Variants in GRID2 observed in about 807,000 individuals in gnomAD.
GRID2 encodes the protein glutamate receptor ionotropic, delta-2.
GRID2 carries 33 observed loss-of-function variants against 114.8 expected under a neutral mutation model. The observed-to-expected ratio is 0.29, with a 90% CI of 0.22 to 0.38. The LOEUF (loss-of-function observed/expected upper bound fraction) is 0.38. Among genes scored for constraint, GRID2 ranks in the 10% least tolerant of loss-of-function variants. The probability of loss-of-function intolerance (pLI) is 1.00; values close to 1 mark genes in which losing one functional copy is unlikely to be tolerated. For missense variants in GRID2, 1,184 were observed against 1,257.7 expected (o/e 0.94, Z 0.89); for synonymous variants, 505 against 449.9 (o/e 1.12, Z -1.55).
chr4:93,608,923 CA>C (rs2149659128), intron 13 of GRID2, among the ~76,000 whole-genome samples: 1 of 129,766 alleles, frequency 7.7e-6, no homozygotes, highest in African/African-American at 2.9e-5. Flanking sequence ...TTGACAGTCC[CA>C]CCAACAGTGT....
Position 92,666,716 on chromosome 4 carries a change from C to T in GRID2, c.244+76430C>T, listed in dbSNP as rs1239132343. 2.9e-4 allele frequency among the ~76,000 whole-genome samples: 37 copies of T among 126,780 alleles called. No homozygotes were observed. In the Admixed American group the frequency reaches 3.4e-3, roughly 12 times the overall value. The allele number at this position is 126,780 out of a possible 152,430, so 83.2% of individuals were successfully genotyped here. A position where few individuals can be genotyped will look rare whatever the true frequency, so the allele number is the denominator to read the frequency against. On this transcript the variant is annotated intron_variant, in intron 2 of 15. Coordinates refer to ENST00000282020, the MANE Select transcript of GRID2 (RefSeq NM_001510.4). The stretch of plus-strand genomic sequence containing the variant: ...ATTTCTCCCTGGGCATTCCTGAAAA[C>T]TTTCTAATTTTCCCGTATTTTCAGG...
chr4:92,723,036 G>A lies in GRID2; in HGVS notation c.244+132750G>A, dbSNP rs78280602. Among the ~76,000 whole-genome samples the A allele has an allele frequency of 2.6e-5, 4 of 152,092 alleles. No individual in the cohort carries two copies. In the East Asian group the frequency reaches 7.7e-4, roughly 29 times the overall value. On this transcript the variant is annotated intron_variant, in intron 2 of 15. Transcript: ENST00000282020. ...CTTTCAGAAATAAGTCAAACAACTTGTAGCTCTGCATGTGTACTTTTTTTT... is the reference window on the plus strand; with the variant it reads ...CTTTCAGAAATAAGTCAAACAACTTATAGCTCTGCATGTGTACTTTTTTTT...
chr4:93,556,379 C>T (rs1044612813), intron 13 of GRID2, among the ~76,000 whole-genome samples: 1 of 152,130 alleles, frequency 6.6e-6, no homozygotes, highest in Non-Finnish European at 1.5e-5. Context: ...AGAGGAATTG[C>T]TAACCAGAAT....
At chr4:92,422,405 CATTTT>C (rs775995493) in intron 1 of GRID2, among the ~76,000 whole-genome samples, 1 of 152,050 alleles carries the variant, frequency 6.6e-6, no homozygotes, top group Non-Finnish European at 1.5e-5. Flanking sequence ...TTTGAATTTA[CATTTT>C]ATTTTATTTT....
intron 2 of GRID2, among the ~76,000 whole-genome samples, chr4:92,999,611 G>A (rs1231114597): frequency 2.0e-5 from 3 of 151,638 alleles, no homozygotes; most frequent in Non-Finnish European, 4.4e-5. Flanking sequence ...TCAACAGGTT[G>A]AATGCAAAAT....
intron 12 of GRID2, among the ~76,000 whole-genome samples, chr4:93,500,422 C>T (rs1054267305): frequency 5.9e-5 from 9 of 151,910 alleles, no homozygotes; most frequent in African/African-American, 1.9e-4. Context: ...TTTCTCTCTG[C>T]CCCCATTTTG....
At chr4:92,933,470 T>A (rs1486863917) in intron 2 of GRID2, among the ~76,000 whole-genome samples, 1 of 151,536 alleles carries the variant, frequency 6.6e-6, no homozygotes, top group African/African-American at 2.4e-5. Flanking sequence ...CTACACTGTG[T>A]CTATTTCCAA....
At chr4:92,984,694 G>C (rs901690008) in intron 2 of GRID2, among the ~76,000 whole-genome samples, 1 of 151,894 alleles carries the variant, frequency 6.6e-6, no homozygotes, top group African/African-American at 2.4e-5. Flanking sequence ...AATTTCACCA[G>C]ATGTCCTTTT....
At chr4:92,613,309 T>A (rs977597119) in intron 2 of GRID2, among the ~76,000 whole-genome samples, 1 of 151,424 alleles carries the variant, frequency 6.6e-6, no homozygotes, top group African/African-American at 2.4e-5. Context: ...TACATATTAC[T>A]GAATTTAGTT....
intron 1 of GRID2, among the ~76,000 whole-genome samples, chr4:92,453,630 T>C (rs1325240065): frequency 6.6e-6 from 1 of 152,200 alleles, no homozygotes; most frequent in African/African-American, 2.4e-5. Context: ...TTCCATGTAC[T>C]ATATTAGAGG....
intron 10 of GRID2, among the ~76,000 whole-genome samples, chr4:93,437,486 A>G (rs373799795): frequency 2.6e-5 from 4 of 152,218 alleles, no homozygotes; most frequent in South Asian, 2.1e-4. Context: ...TTAAACCTGC[A>G]TATTTGAAGA....
intron 3 of GRID2, among the ~76,000 whole-genome samples, chr4:93,089,030 A>G (rs1053639617): frequency 8.5e-5 from 13 of 152,076 alleles, no homozygotes; most frequent in African/African-American, 3.1e-4. Context: ...ACTCCTCATA[A>G]TAGCCCTTTG....
At chr4:92,356,699 T>C (rs1408070584) in intron 1 of GRID2, among the ~76,000 whole-genome samples, 1 of 151,802 alleles carries the variant, frequency 6.6e-6, no homozygotes, top group South Asian at 2.1e-4. Context: ...TTAAATATAT[T>C]GTCTACTGTG....
rs1162847850 is a variant in GRID2 at position 92,579,107 on chromosome 4, A to G, written c.89-11024A>G. Among the ~76,000 whole-genome samples, 7 of 152,160 alleles carry G rather than the reference A, an allele frequency of 4.6e-5. 1 individual carries two copies. In the East Asian group the frequency reaches 1.2e-3, roughly 25 times the overall value. On this transcript the variant is annotated intron_variant, in intron 1 of 15. Transcript: ENST00000282020. ...CCTTATGTTTCCCTTATGTACTTCA[A>G]CTATGGTCTTCATACACCAGGAGGG...
chr4:92,788,794 G>GT (rs1739442353), intron 2 of GRID2, among the ~76,000 whole-genome samples: 2 of 151,484 alleles, frequency 1.3e-5, no homozygotes, highest in South Asian at 2.1e-4. Flanking sequence ...AATGTAGCAG[G>GT]TTTTTTCTCT....
intron 8 of GRID2, among the ~76,000 whole-genome samples, chr4:93,341,059 G>T (rs965590019): frequency 6.6e-6 from 1 of 151,800 alleles, no homozygotes; most frequent in Non-Finnish European, 1.5e-5. Flanking sequence ...GATAAACAGC[G>T]GTTTAAAATC....
chr4:92,780,886 A>G (rs1239732695), intron 2 of GRID2, among the ~76,000 whole-genome samples: 1 of 152,118 alleles, frequency 6.6e-6, no homozygotes, highest in Non-Finnish European at 1.5e-5. Flanking sequence ...TTATTTTCCT[A>G]GGACATTGGC....
intron 2 of GRID2, among the ~76,000 whole-genome samples, chr4:92,603,796 G>A (rs1729332197): frequency 6.6e-6 from 1 of 151,012 alleles, no homozygotes; most frequent in Admixed American, 6.6e-5. Flanking sequence ...CCTGACAAAG[G>A]TCTAATGTCC....
At chr4:92,984,337 T>C (rs1277623024) in intron 2 of GRID2, among the ~76,000 whole-genome samples, 2 of 152,234 alleles carry the variant, frequency 1.3e-5, no homozygotes, top group Admixed American at 1.3e-4. Flanking sequence ...CTCACAGATT[T>C]TGAATTATTA....
Sources: allele counts gnomAD v4.1 joint callset (sites outside exome capture counted in the v4.1 genomes callset), GRCh38; gene constraint gnomAD v4.1.1; transcripts MANE v1.5; gene names NCBI Gene and HGNC (gene_info 2026-07-23, HGNC 2026-07-21).